The following TBC1D16 variants were observed in gnomAD, a reference collection of about 807,000 sequenced individuals.
TBC1D16 encodes the protein CTD-2529O21.1.
TBC1D16 carries 58 observed loss-of-function variants against 74.7 expected under a neutral mutation model. The observed-to-expected ratio is 0.78, with a 90% CI of 0.63 to 0.97. The LOEUF is 0.97. TBC1D16 is among the 50% of genes least tolerant of loss of function. The pLI is 0.00. For synonymous variants in TBC1D16, 493 were observed against 474.7 expected, an observed-to-expected ratio of 1.04 and a Z score of -0.50; for missense variants, 1,014 against 1,079.5, an observed-to-expected ratio of 0.94 and a Z score of 0.85.
In TBC1D16 at chr17:80,008,078, G is replaced by A. The variant is rs1217903945; in HGVS notation, c.779+2082C>T. Among the ~76,000 whole-genome samples the A allele has an allele frequency of 2.0e-5, 3 of 151,486 alleles. No individual in the cohort carries two copies. The highest frequency in any genetic ancestry group is 1.9e-4 in the East Asian group (1 of 5,158). Reference sequence around the variant, plus strand: ...CCATACACCCCCTGGGCACAGACTCGGCCCCGGGTGAGAATCACTGCTCTA... The same window carrying A: ...CCATACACCCCCTGGGCACAGACTCAGCCCCGGGTGAGAATCACTGCTCTA... On this transcript the variant is annotated intron_variant, in intron 3 of 11. Transcript: ENST00000310924. This position sits in a 1 kb window ranked among gnomAD's most constrained non-coding sequence, Gnocchi z 4.5.
rs142386768 is a variant in TBC1D16 at position 80,010,469 on chromosome 17, G to A, written c.470C>T (p.Ala157Val). 5.4e-4 allele frequency: 877 copies of A among 1,609,922 alleles called. 3 individuals carry two copies. The African/African-American group carries it at 9.9e-3, about 18-fold the overall frequency. ...SVPDRMLASP[A>V]PEDEEKLAQG... ...CGCCAGCTTCTCCTCATCCTCTGGC[G>A]CAGGGCTGGCGAGCATGCGGTCTGG... is the stretch of plus-strand genomic sequence containing the variant. Residue 157 changes from alanine (A) to valine (V), a missense_variant, in exon 3 of 12, where the codon GCG becomes GTG. Coordinates refer to ENST00000310924, the MANE Select transcript of TBC1D16 (RefSeq NM_019020.4). This position sits in a 1 kb window ranked among gnomAD's most constrained non-coding sequence, Gnocchi z 8.8.
Position 80,010,177 on chromosome 17 carries a change from A to T in TBC1D16, c.762T>A (p.Phe254Leu). The T allele has an allele frequency of 6.2e-7, 1 of 1,610,652 alleles. No homozygotes were observed. The highest frequency in any genetic ancestry group is 8.5e-7 in the Non-Finnish European group (1 of 1,178,362). The change falls in exon 3 of 12, where the codon TTT (phenylalanine) becomes TTA (leucine). Residue 254 changes from phenylalanine to leucine, a missense_variant. Transcript: ENST00000310924. This position sits in a 1 kb window ranked among gnomAD's most constrained non-coding sequence, Gnocchi z 8.8. Reference sequence around the variant, plus strand: ...GAACTCACCTGCTGTCACTTTCCAGAAACACGGAGCCGCGGCTCTCGGCCA... The same window carrying T: ...GAACTCACCTGCTGTCACTTTCCAGTAACACGGAGCCGCGGCTCTCGGCCA... ...AALAESRGSV[F>L]LESDSSPPSS...
intron 1 of TBC1D16, among the ~76,000 whole-genome samples, chr17:80,014,167 G>A (rs1480227585): frequency 6.6e-6 from 1 of 152,114 alleles, no homozygotes; most frequent in Non-Finnish European, 1.5e-5. Context: ...GACCAGCCTG[G>A]CCAACATGGT....
At position 80,007,646 on chromosome 17, in the gene TBC1D16, G is replaced by T. The variant is rs1218882394; in HGVS notation, c.779+2514C>A. ...GCCTCCCCCAAAAGCTGACATGAAG[G>T]TGCCTCGCCCCAGGAGCTGAGTCTC... On this transcript the variant is annotated intron_variant, in intron 3 of 11. Transcript: ENST00000310924. This position sits in a 1 kb window ranked among gnomAD's most constrained non-coding sequence, Gnocchi z 4.5. Among the ~76,000 whole-genome samples the T allele has an allele frequency of 6.6e-6, 1 of 152,176 alleles. No homozygotes were observed. Among genetic ancestry groups the T allele is most frequent in the Non-Finnish European group, 1.5e-5 (1 of 68,040 alleles).
intron 3 of TBC1D16, among the ~76,000 whole-genome samples, chr17:80,005,949 C>T (rs8081656): frequency 0.026 from 4,016 of 152,224 alleles, 156 homozygotes; most frequent in African/African-American, 0.089. Flanking sequence ...CAGCCAGACA[C>T]GCAGCCTGCA....
At position 79,947,787 on chromosome 17, in the gene TBC1D16, T is replaced by C; in HGVS notation, c.1586A>G (p.Tyr529Cys). The change falls in exon 9 of 12, where the codon TAT becomes TGT. Residue 529 changes from tyrosine to cysteine, a missense_variant. Physicochemically the swap from Tyr to Cys is radical, Grantham distance 194. Coordinates refer to ENST00000310924, the MANE Select transcript of TBC1D16 (RefSeq NM_019020.4). ...NYAVYNPAVG[Y>C]SQGMSDLVAP... ...CACCAGGTCCGACATCCCTTGGGAA[T>C]AGCCGACGGCAGGGTTGTACACGGC... 1 of 1,613,832 alleles carries C rather than the reference T, an allele frequency of 6.2e-7. No homozygotes were observed. Among genetic ancestry groups the C allele is most frequent in the Non-Finnish European group, 8.5e-7 (1 of 1,180,024 alleles).
chr17:79,953,063 G>A (rs2033159244), intron 3 of TBC1D16: 1 of 370,926 alleles, frequency 2.7e-6, no homozygotes, highest in East Asian at 4.2e-5. Flanking sequence ...TTCAATAGAG[G>A]CAGTAAGTCA....
chr17:79,991,734 G>A (rs1355712047), intron 3 of TBC1D16, among the ~76,000 whole-genome samples: 1 of 149,836 alleles, frequency 6.7e-6, no homozygotes, highest in African/African-American at 2.5e-5. Flanking sequence ...GGGGGAGGGC[G>A]GGGGCGTGCA....
intron 1 of TBC1D16, among the ~76,000 whole-genome samples, chr17:80,017,591 G>A (rs558885823): frequency 7.0e-6 from 1 of 143,532 alleles, no homozygotes; most frequent in African/African-American, 2.6e-5. Context: ...TCAAGCGGGA[G>A]AATCGCTTGA....
intron 3 of TBC1D16, among the ~76,000 whole-genome samples, chr17:79,972,708 A>G (rs1256307371): frequency 6.6e-6 from 1 of 152,148 alleles, no homozygotes; most frequent in East Asian, 1.9e-4. Flanking sequence ...GGGAAGATGA[A>G]AAAGTTCTGG....
In TBC1D16 at chr17:80,009,289, C is replaced by T. The variant is rs546189795; in HGVS notation, c.779+871G>A. ...CCCAGAAATCTAATGAGCGTAAGGA[C>T]CACAGCCGGGGCATAGGAAGGGGCT... On this transcript the variant is annotated intron_variant, in intron 3 of 11. Coordinates refer to ENST00000310924, the MANE Select transcript of TBC1D16 (RefSeq NM_019020.4). The surrounding 1 kb of genome is among the most constrained non-coding windows in gnomAD (Gnocchi z 5.4). Among the ~76,000 whole-genome samples the T allele has an allele frequency of 6.6e-6, 1 of 152,344 alleles. No individual in the cohort carries two copies. Among genetic ancestry groups the T allele is most frequent in the East Asian group, 1.9e-4 (1 of 5,186 alleles).
rs2033091281 is a variant in TBC1D16, at chr17:79,952,155, C to T, written c.941+502G>A. On this transcript the variant is annotated intron_variant, in intron 4 of 11. Coordinates refer to ENST00000310924, the MANE Select transcript of TBC1D16 (RefSeq NM_019020.4). ...TGGACACGCCGGCTTCTTCTAAGCC[C>T]GGGCCTCTCATTGGTGATGTCTGCG... is the stretch of plus-strand genomic sequence containing the variant. The T allele has an allele frequency of 3.2e-5, 5 of 155,416 alleles. No individual in the cohort carries two copies. In the South Asian group the frequency reaches 8.1e-4, roughly 25 times the overall value. The allele number at this position is 155,416 out of a possible 1,614,324, so 9.6% of individuals were successfully genotyped here. A position where few individuals can be genotyped will look rare whatever the true frequency, so the allele number is the denominator to read the frequency against.
rs775893992 is a variant in TBC1D16, at chr17:80,035,421, C to A, written c.-63+374G>T. On this transcript the variant is annotated intron_variant, in intron 1 of 11. Coordinates refer to ENST00000310924, the MANE Select transcript of TBC1D16 (RefSeq NM_019020.4). This position sits in a 1 kb window ranked among gnomAD's most constrained non-coding sequence, Gnocchi z 5.3. ...GGCGCGCGCCGGCACCCCACAAGTT[C>A]TCATCCGTCTGCTCCGCCGATTCAG... 9.2e-5 allele frequency among the ~76,000 whole-genome samples: 14 copies of A among 152,024 alleles called. No individual in the cohort carries two copies. Among genetic ancestry groups the A allele is most frequent in the Non-Finnish European group, 1.9e-4 (13 of 67,980 alleles).
rs142821757 is a variant in TBC1D16 at position 79,988,089 on chromosome 17, CT to C, written c.779+22070del. Among the ~76,000 whole-genome samples, 979 of 152,234 alleles carry C rather than the reference CT, an allele frequency of 6.4e-3. 6 individuals are homozygous for C. The highest frequency in any genetic ancestry group is 0.011 in the Non-Finnish European group (779 of 68,028). ...GATTCAAACGAAATACTTCTAAGTT[CT>C]TCTCTGTGAAAGCGTGTGTGTGTTT... On this transcript the variant is annotated intron_variant, in intron 3 of 11. Transcript: ENST00000310924. This position sits in a 1 kb window ranked among gnomAD's most constrained non-coding sequence, Gnocchi z 5.7.
In TBC1D16 at chr17:79,988,760, GTTTTAT is replaced by G. The variant is rs2034947210; in HGVS notation, c.779+21394_779+21399del. On this transcript the variant is annotated intron_variant, in intron 3 of 11. Coordinates refer to ENST00000310924, the MANE Select transcript of TBC1D16 (RefSeq NM_019020.4). This position sits in a 1 kb window ranked among gnomAD's most constrained non-coding sequence, Gnocchi z 5.7. ...AGCAAAACTTAGAAGGCCCCTGCTTGTTTTATCAGTTAGAGCCACAGAAAATCAAAG... is the reference window on the plus strand; with the variant it reads ...AGCAAAACTTAGAAGGCCCCTGCTTGCAGTTAGAGCCACAGAAAATCAAAG... Among the ~76,000 whole-genome samples, 2 of 152,222 alleles carry G rather than the reference GTTTTAT, an allele frequency of 1.3e-5. No individual in the cohort carries two copies. The highest frequency in any genetic ancestry group is 2.9e-5 in the Non-Finnish European group (2 of 68,034).
intron 10 of TBC1D16, 152 bp from the exon 11 acceptor site, chr17:79,942,358 G>A: frequency 1.2e-6 from 1 of 808,284 alleles, no homozygotes; most frequent in Non-Finnish European, 1.9e-6. Flanking sequence ...CCCTGGGCAA[G>A]CTGCACCGCC....
rs973247764 is a variant in TBC1D16, at chr17:79,932,680, C to T, written c.*8179G>A. ...AATCAACGAACTTTGGACAGACAAT[C>T]AGTAGACTTTGGGTGTGGCCTTGGT... On this transcript the variant is annotated 3_prime_UTR_variant, in exon 12 of 12. Coordinates refer to ENST00000310924, the MANE Select transcript of TBC1D16 (RefSeq NM_019020.4). 3.3e-5 allele frequency: 5 copies of T among 152,238 alleles called. No homozygotes were observed. Among genetic ancestry groups the T allele is most frequent in the Non-Finnish European group, 5.9e-5 (4 of 68,056 alleles). The allele number at this position is 152,238 out of a possible 1,614,324, so 9.4% of individuals were successfully genotyped here.
intron 3 of TBC1D16, among the ~76,000 whole-genome samples, chr17:80,004,797 C>T (rs928479516): frequency 1.3e-5 from 2 of 152,160 alleles, no homozygotes; most frequent in Admixed American, 6.5e-5. Context: ...GCCTGAGCTT[C>T]CCAAGTAGCT....
rs1041164818 is a variant in TBC1D16 at position 79,987,023 on chromosome 17, G to C, written c.779+23137C>G. Among the ~76,000 whole-genome samples the C allele has an allele frequency of 6.6e-6, 1 of 152,176 alleles. No individual in the cohort carries two copies. The highest frequency in any genetic ancestry group is 1.5e-5 in the Non-Finnish European group (1 of 68,032). On this transcript the variant is annotated intron_variant, in intron 3 of 11. Transcript: ENST00000310924. The surrounding 1 kb of genome is among the most constrained non-coding windows in gnomAD (Gnocchi z 5.2). ...GAGGGACCCTGAATTTTGAGGTGGG[G>C]CCACAGAACCTCCCTTGAGAGCCAG...
Sources: gnomAD v4.1 joint callset for allele counts (sites outside exome capture counted in the v4.1 genomes callset) on GRCh38, gnomAD v4.1.1 for gene constraint, Gnocchi (gnomAD v3.1) non-coding constraint, MANE v1.5 for transcripts, NCBI Gene and HGNC (gene_info 2026-07-23, HGNC 2026-07-21) for gene names.